Variants in PRKN observed in about 807,000 individuals in gnomAD.
PRKN encodes E3 ubiquitin-protein ligase parkin.
A neutral mutation model predicts 59.5 loss-of-function variants in PRKN; 56 were observed. The observed-to-expected ratio is 0.94, with a 90% CI of 0.76 to 1.18. PRKN has a LOEUF of 1.18. Ranked by LOEUF, PRKN falls within the 50% of genes most tolerant of loss-of-function variation. The probability of loss-of-function intolerance (pLI) is 0.00; values close to 1 mark genes in which losing one functional copy is unlikely to be tolerated. For missense variants in PRKN, 657 were observed against 596.4 expected, an observed-to-expected ratio of 1.10 and a Z score of -1.06; for synonymous variants, 250 against 222.1, an observed-to-expected ratio of 1.13 and a Z score of -1.12.
Position 161,790,155 on chromosome 6 carries a change from T to C in PRKN, c.735-4247A>G, listed in dbSNP as rs190671112. 3.5e-3 allele frequency among the ~76,000 whole-genome samples: 537 copies of C among 152,278 alleles called. 3 individuals carry two copies. Among genetic ancestry groups the C allele is most frequent in the Non-Finnish European group, 6.2e-3 (420 of 68,016 alleles). On this transcript the variant is annotated intron_variant, in intron 6 of 11. Transcript: ENST00000366898. The stretch of plus-strand genomic sequence containing the variant: ...GAATTATTGAGTCAGGATGGATCCA[T>C]TAGGGAACTTGAATTGAATTTAAAG...
intron 2 of PRKN, among the ~76,000 whole-genome samples, chr6:162,420,487 G>T (rs1217628413): frequency 6.6e-6 from 1 of 152,138 alleles, no homozygotes; most frequent in African/African-American, 2.4e-5. Flanking sequence ...AGTGCAGATT[G>T]CCTGCATCCA....
chr6:161,625,216 T>C (rs1425380956), intron 7 of PRKN, among the ~76,000 whole-genome samples: 1 of 152,166 alleles, frequency 6.6e-6, no homozygotes, highest in Non-Finnish European at 1.5e-5. Flanking sequence ...ATATATACCA[T>C]GCAATACTAT....
intron 1 of PRKN, among the ~76,000 whole-genome samples, chr6:162,513,949 G>A (rs1414733764): frequency 2.0e-5 from 3 of 152,028 alleles, no homozygotes; most frequent in Non-Finnish European, 2.9e-5. Context: ...GGGAGGCTGA[G>A]GCAGGAGAAT....
chr6:161,443,789 A>G (rs1224624081), intron 9 of PRKN, among the ~76,000 whole-genome samples: 2 of 152,154 alleles, frequency 1.3e-5, no homozygotes, highest in Non-Finnish European at 2.9e-5. Flanking sequence ...TCCTGCCTAA[A>G]CTGATGCCCC....
chr6:162,206,094 C>T (rs537227947), intron 3 of PRKN, among the ~76,000 whole-genome samples: 14 of 152,168 alleles, frequency 9.2e-5, no homozygotes, highest in African/African-American at 1.7e-4. Flanking sequence ...GGGGGACTTC[C>T]GTAGTGCTAG....
intron 9 of PRKN, among the ~76,000 whole-genome samples, chr6:161,509,925 T>C (rs925825043): frequency 2.0e-5 from 3 of 151,462 alleles, no homozygotes; most frequent in African/African-American, 7.3e-5. Flanking sequence ...AATCGATATT[T>C]TAAATTTAAA....
At chr6:162,118,121 G>A (rs1357421350) in intron 4 of PRKN, among the ~76,000 whole-genome samples, 1 of 151,702 alleles carries the variant, frequency 6.6e-6, no homozygotes, top group Non-Finnish European at 1.5e-5. Context: ...TTAAAAATGA[G>A]TATGATTGGG....
chr6:162,468,670 A>G (rs1438881827), intron 1 of PRKN, among the ~76,000 whole-genome samples: 1 of 152,198 alleles, frequency 6.6e-6, no homozygotes, highest in African/African-American at 2.4e-5. Context: ...AGCTCTTTCA[A>G]TGCAGCAAAT....
intron 2 of PRKN, among the ~76,000 whole-genome samples, chr6:162,412,012 G>A (rs984126301): frequency 1.4e-5 from 2 of 145,734 alleles, no homozygotes; most frequent in Middle Eastern, 3.5e-3. Context: ...TTTGGTCACA[G>A]CTGAGAGGCA....
At chr6:162,083,762 A>G (rs944890344) in intron 4 of PRKN, among the ~76,000 whole-genome samples, 2 of 152,064 alleles carry the variant, frequency 1.3e-5, no homozygotes, top group Admixed American at 6.5e-5. Context: ...GACAAAACAC[A>G]GTACCCTTCA....
At chr6:161,856,533 A>G (rs556462250) in intron 6 of PRKN, among the ~76,000 whole-genome samples, 27 of 152,122 alleles carry the variant, frequency 1.8e-4, no homozygotes, top group Non-Finnish European at 3.5e-4. Flanking sequence ...GAAGGTACAT[A>G]TACTGTTTTT....
intron 6 of PRKN, among the ~76,000 whole-genome samples, chr6:161,817,528 C>G (rs1367126608): frequency 6.6e-6 from 1 of 152,164 alleles, no homozygotes. Context: ...GATGTTGAGA[C>G]TAGATACTTT....
rs34279714 is a variant in PRKN at position 161,352,771 on chromosome 6, A to ATATATATTTT, written c.1286-2561_1286-2560insAAAATATATA. ...TGTGTGTGTGTATATATATATATATATTTTATTTTATTTTATTTTATTTTT... is the reference window on the plus strand; with the variant it reads ...TGTGTGTGTGTATATATATATATATATATATATTTTTTTTATTTTATTTTATTTTATTTTT... On this transcript the variant is annotated intron_variant, in intron 11 of 11. Coordinates refer to ENST00000366898, the MANE Select transcript of PRKN (RefSeq NM_004562.3). The surrounding 1 kb of genome is among the most constrained non-coding windows in gnomAD (Gnocchi z 5.8). 3.8e-4 allele frequency among the ~76,000 whole-genome samples: 45 copies of ATATATATTTT among 116,892 alleles called. 1 individual carries two copies. In the South Asian group the frequency reaches 5.3e-3, roughly 14 times the overall value. 76.7% of individuals were successfully genotyped at this position (116,892 alleles called of 152,430 possible). A position where few individuals can be genotyped will look rare whatever the true frequency, so the allele number is the denominator to read the frequency against.
intron 1 of PRKN, among the ~76,000 whole-genome samples, chr6:162,594,724 T>C (rs1042049131): frequency 5.9e-5 from 9 of 152,254 alleles, no homozygotes; most frequent in Non-Finnish European, 1.3e-4. Flanking sequence ...ATGATGTTAA[T>C]TCTAAAAAGT....
chr6:162,296,212 TC>T (rs71544927), intron 2 of PRKN, among the ~76,000 whole-genome samples: 3 of 81,024 alleles, frequency 3.7e-5, no homozygotes, highest in East Asian at 3.9e-4. Flanking sequence ...AATGTGCCCA[TC>T]CCCCCACCCC....
At chr6:161,897,881 G>T (rs1375109958) in intron 6 of PRKN, among the ~76,000 whole-genome samples, 1 of 144,072 alleles carries the variant, frequency 6.9e-6, no homozygotes, top group Non-Finnish European at 1.5e-5. Context: ...GCAGGAGAAT[G>T]GCGTGAACCC....
chr6:162,569,787 G>C (rs1780238748), intron 1 of PRKN: 1 of 484,960 alleles, frequency 2.1e-6, no homozygotes, highest in African/African-American at 2.0e-5. Context: ...AGCCTGGGAG[G>C]GAGGCTGCTG....
At chr6:162,340,730 A>G (rs1784142974) in intron 2 of PRKN, among the ~76,000 whole-genome samples, 1 of 152,240 alleles carries the variant, frequency 6.6e-6, no homozygotes, top group South Asian at 2.1e-4. Context: ...AGCCATATGC[A>G]GAAAACTGAA....
rs541204701 is a variant in PRKN, at chr6:162,421,604, A to T, written c.171+21706T>A. 3.9e-5 allele frequency among the ~76,000 whole-genome samples: 6 copies of T among 152,348 alleles called. No individual in the cohort carries two copies. The East Asian group carries it at 1.2e-3, about 29-fold the overall frequency. On this transcript the variant is annotated intron_variant, in intron 2 of 11. Transcript: ENST00000366898. ...AATTCATATCATTGTCTATTAACTCAGGATGGCTAGCTACTCATTAACAAA... is the reference window on the plus strand; with the variant it reads ...AATTCATATCATTGTCTATTAACTCTGGATGGCTAGCTACTCATTAACAAA...
Sources: allele counts gnomAD v4.1 joint callset (sites outside exome capture counted in the v4.1 genomes callset), GRCh38; gene constraint gnomAD v4.1.1; non-coding constraint Gnocchi (gnomAD v3.1); transcripts MANE v1.5; gene names NCBI Gene and HGNC (gene_info 2026-07-23, HGNC 2026-07-21).